RIMS2: variants seen among roughly 807,000 people sequenced by gnomAD.
RIMS2 encodes the protein regulating synaptic membrane exocytosis protein 2.
A neutral mutation model predicts 174.4 loss-of-function variants in RIMS2; 59 were observed. The ratio of observed to expected loss-of-function variants is 0.34; its 90% CI spans 0.27 to 0.42. The LOEUF (loss-of-function observed/expected upper bound fraction) is 0.42. Ranked by LOEUF, RIMS2 falls within the 10% of genes least tolerant of loss-of-function variation. The pLI is 1.00. For missense variants in RIMS2, 1,620 were observed against 1,666.3 expected (o/e 0.97, Z 0.48); for synonymous variants, 606 against 572.5 (o/e 1.06, Z -0.84).
At chr8:103,577,060 C>A (rs376079026) in intron 1 of RIMS2, among the ~76,000 whole-genome samples, 5 of 152,062 alleles carry the variant, frequency 3.3e-5, no homozygotes, top group Non-Finnish European at 5.9e-5. Flanking sequence ...GCAACAAAAG[C>A]CAAAATTGAC....
chr8:103,996,865 A>G (rs2095133292), intron 17 of RIMS2, among the ~76,000 whole-genome samples: 2 of 151,942 alleles, frequency 1.3e-5, no homozygotes, highest in Non-Finnish European at 2.9e-5. Context: ...CTCGGCATAT[A>G]GTTCAGTGTA....
chr8:104,006,656 C>CTG (rs2095592857), intron 17 of RIMS2, among the ~76,000 whole-genome samples: 1 of 134,442 alleles, frequency 7.4e-6, no homozygotes, highest in Admixed American at 7.6e-5. Flanking sequence ...CTCTCTCTCT[C>CTG]TCTCTCTCTC....
At chr8:104,155,075 G>T (rs989963545) in intron 19 of RIMS2, among the ~76,000 whole-genome samples, 25 of 151,804 alleles carry the variant, frequency 1.6e-4, no homozygotes, top group Admixed American at 2.0e-4. Context: ...GCCTTTCTGG[G>T]GGTGTTAGTT....
chr8:104,078,734 G>C (rs2154562774), intron 19 of RIMS2, among the ~76,000 whole-genome samples: 1 of 152,244 alleles, frequency 6.6e-6, no homozygotes, highest in East Asian at 1.9e-4. Context: ...TGTGAATAGG[G>C]ATTTTTAGGC....
chr8:103,734,668 T>G (rs2097661529), intron 2 of RIMS2, among the ~76,000 whole-genome samples: 1 of 151,912 alleles, frequency 6.6e-6, no homozygotes, highest in Non-Finnish European at 1.5e-5. Flanking sequence ...TTTTTAACAT[T>G]TCTGCAGTTT....
At chr8:103,611,390 G>T (rs1211073023) in intron 1 of RIMS2, among the ~76,000 whole-genome samples, 1 of 152,038 alleles carries the variant, frequency 6.6e-6, no homozygotes, top group East Asian at 1.9e-4. Context: ...TTTTCTGCAT[G>T]CTTAGTGAGT....
intron 19 of RIMS2, among the ~76,000 whole-genome samples, chr8:104,200,116 C>A (rs1277986938): frequency 6.6e-6 from 1 of 152,034 alleles, no homozygotes; most frequent in Non-Finnish European, 1.5e-5. Context: ...CAAGAAGCAG[C>A]TTTGGACAGG....
chr8:104,029,767 A>G (rs1351253060), intron 19 of RIMS2, among the ~76,000 whole-genome samples: 1 of 152,190 alleles, frequency 6.6e-6, no homozygotes, highest in African/African-American at 2.4e-5. Flanking sequence ...CAAATTTATG[A>G]AATGGCAAAA....
At chr8:103,979,786 C>T (rs142018796) in intron 16 of RIMS2, among the ~76,000 whole-genome samples, 115 of 152,288 alleles carry the variant, frequency 7.6e-4, no homozygotes, top group Non-Finnish European at 1.5e-3. Context: ...AGAGGAAGAG[C>T]GCAGTGACTG....
At chr8:103,873,634 C>T (rs2099122613) in intron 3 of RIMS2, among the ~76,000 whole-genome samples, 1 of 152,006 alleles carries the variant, frequency 6.6e-6, no homozygotes, top group South Asian at 2.1e-4. Flanking sequence ...ACAAGCCCAA[C>T]ATCAGAATTA....
chr8:103,783,143 T>C (rs1024866331), intron 3 of RIMS2, among the ~76,000 whole-genome samples: 2 of 152,182 alleles, frequency 1.3e-5, no homozygotes, highest in Admixed American at 6.5e-5. Flanking sequence ...TGCCTTGCAA[T>C]TGTATGGTTG....
chr8:104,192,870 CTA>C (rs2099004699), intron 19 of RIMS2, among the ~76,000 whole-genome samples: 3 of 152,194 alleles, frequency 2.0e-5, no homozygotes, highest in African/African-American at 4.8e-5. Context: ...ATGGTACCCA[CTA>C]CCACGTGACT....
chr8:104,100,652 TTTA>T (rs2130947378), intron 19 of RIMS2, among the ~76,000 whole-genome samples: 1 of 151,640 alleles, frequency 6.6e-6, no homozygotes, highest in East Asian at 1.9e-4. Context: ...ACTTTAAGAT[TTTA>T]TTATTATCTC....
intron 1 of RIMS2, among the ~76,000 whole-genome samples, chr8:103,674,685 A>G (rs2136458215): frequency 6.6e-6 from 1 of 152,178 alleles, no homozygotes; most frequent in South Asian, 2.1e-4. Context: ...AATTACACAC[A>G]TTAACTATAA....
At chr8:103,740,419 G>GC (rs2097749232) in intron 2 of RIMS2, among the ~76,000 whole-genome samples, 2 of 152,134 alleles carry the variant, frequency 1.3e-5, no homozygotes, top group African/African-American at 4.8e-5. Flanking sequence ...GGCTTATAGG[G>GC]CTTCTTGTAG....
chr8:103,559,417 C>T, intron 1 of RIMS2: 1 of 355,174 alleles, frequency 2.8e-6, no homozygotes, highest in South Asian at 2.3e-5. Context: ...TGATCCGATG[C>T]AGGGGATTAA....
chr8:104,127,720 GA>G (rs1394684927), intron 19 of RIMS2, among the ~76,000 whole-genome samples: 1 of 151,546 alleles, frequency 6.6e-6, no homozygotes, highest in Non-Finnish European at 1.5e-5. Context: ...AGTAAACAGT[GA>G]TAAATGGTTG....
rs1056777676 is a variant in RIMS2 at position 104,245,137 on chromosome 8, A to C, written c.3476+80A>C. On this transcript the variant is annotated intron_variant, in intron 20 of 23. Coordinates refer to ENST00000504942, the Ensembl canonical transcript of RIMS2. ...TATGTGCTTTCACAGAGATTTTCCA[A>C]CTCTCATGCTCTTCAGAACCACTTT... 2.1e-5 allele frequency: 30 copies of C among 1,408,368 alleles called. No homozygotes were observed. The African/African-American group carries it at 4.3e-4, about 20-fold the overall frequency. 87.2% of individuals were successfully genotyped at this position (1,408,368 alleles called of 1,614,324 possible).
At chr8:103,640,430 T>G (rs1483235494) in intron 1 of RIMS2, among the ~76,000 whole-genome samples, 3 of 152,006 alleles carry the variant, frequency 2.0e-5, no homozygotes, top group Non-Finnish European at 4.4e-5. Flanking sequence ...AGATTTTATT[T>G]TCTTTTTCTA....
Sources: allele counts gnomAD v4.1 joint callset (sites outside exome capture counted in the v4.1 genomes callset), GRCh38; gene constraint gnomAD v4.1.1; transcripts MANE v1.5; gene names NCBI Gene and HGNC (gene_info 2026-07-23, HGNC 2026-07-21).